Variants in RUNX1 observed in about 807,000 individuals in gnomAD.
RUNX1 encodes runt-related transcription factor 1.
In RUNX1, 19 loss-of-function variants were observed where a neutral mutation model predicts 42.8. That is an observed-to-expected ratio of 0.44 (90% CI 0.31 to 0.65). RUNX1 has a LOEUF of 0.65. Ranked by LOEUF, RUNX1 falls within the 30% of genes least tolerant of loss-of-function variation. The pLI, the probability that RUNX1 is intolerant of heterozygous loss-of-function variation, is 0.07. For synonymous variants in RUNX1, 271 were observed against 289.4 expected (o/e 0.94, Z 0.64); for missense variants, 528 against 672.0 (o/e 0.79, Z 2.37).
intron 2 of RUNX1, among the ~76,000 whole-genome samples, chr21:34,995,342 T>C: frequency 6.6e-6 from 1 of 151,266 alleles, no homozygotes. Flanking sequence ...AGTAATCCAT[T>C]AAAGTCATCA....
intron 2 of RUNX1, among the ~76,000 whole-genome samples, chr21:35,047,836 T>C (rs917223535): frequency 2.0e-5 from 3 of 152,190 alleles, no homozygotes; most frequent in African/African-American, 4.8e-5. Context: ...AAGATACACT[T>C]TGCAGGCACT....
chr21:34,948,591 G>A (rs1339980269), intron 2 of RUNX1, among the ~76,000 whole-genome samples: 4 of 152,092 alleles, frequency 2.6e-5, no homozygotes, highest in Non-Finnish European at 5.9e-5. Flanking sequence ...TATCATTTGT[G>A]GATGTGATGG....
chr21:34,810,201 G>T (rs2056740226), intron 7 of RUNX1, among the ~76,000 whole-genome samples: 2 of 152,236 alleles, frequency 1.3e-5, no homozygotes, highest in Non-Finnish European at 2.9e-5. Context: ...GCACTTTTTT[G>T]ATGTTGTAAA....
intron 5 of RUNX1, among the ~76,000 whole-genome samples, chr21:34,865,156 G>A (rs995485249): frequency 6.6e-6 from 1 of 152,140 alleles, no homozygotes; most frequent in Non-Finnish European, 1.5e-5. Context: ...GTAAATGTCA[G>A]TGGAATGATC....
At chr21:34,931,318 T>TTA (rs942335329) in intron 2 of RUNX1, among the ~76,000 whole-genome samples, 13 of 144,982 alleles carry the variant, frequency 9.0e-5, no homozygotes, top group South Asian at 8.5e-4. Context: ...TCAACATGCA[T>TTA]TATATATATA....
chr21:34,866,953 A>G (rs1181533579), intron 5 of RUNX1, among the ~76,000 whole-genome samples: 1 of 152,216 alleles, frequency 6.6e-6, no homozygotes, highest in Non-Finnish European at 1.5e-5. Context: ...GGAATTATGG[A>G]TTGTTTGAAA....
intron 2 of RUNX1, among the ~76,000 whole-genome samples, chr21:35,043,010 T>A (rs1178207347): frequency 6.6e-6 from 1 of 151,920 alleles, no homozygotes; most frequent in Non-Finnish European, 1.5e-5. Flanking sequence ...GCCAAGAGAG[T>A]ATAACACGTG....
chr21:34,787,857 G>A lies in RUNX1; in HGVS notation c.*4278C>T, dbSNP rs2056387481. 1 of 233,042 alleles carries A rather than the reference G, an allele frequency of 4.3e-6. No homozygotes were observed. Among genetic ancestry groups the A allele is most frequent in the Admixed American group, 5.6e-5 (1 of 17,772 alleles). The allele number at this position is 233,042 out of a possible 1,614,324, so 14.4% of individuals were successfully genotyped here. The stretch of plus-strand genomic sequence containing the variant: ...TGCCATTCACACTGATTGTAACACT[G>A]GATTTACAGAAGAAACTGTGGTACA... On this transcript the variant is annotated 3_prime_UTR_variant, in exon 9 of 9. Coordinates refer to ENST00000675419, the MANE Select transcript of RUNX1 (RefSeq NM_001754.5).
intron 2 of RUNX1, among the ~76,000 whole-genome samples, chr21:35,047,926 C>A (rs187545689): frequency 5.9e-5 from 9 of 152,256 alleles, no homozygotes; most frequent in Non-Finnish European, 8.8e-5. Flanking sequence ...TTAAGCACAG[C>A]CCTCTTTTAC....
intron 2 of RUNX1, among the ~76,000 whole-genome samples, chr21:34,911,933 C>G (rs895228681): frequency 6.6e-6 from 1 of 152,002 alleles, no homozygotes; most frequent in African/African-American, 2.4e-5. Flanking sequence ...AAAGTAACCC[C>G]GCTCCCTACC....
intron 5 of RUNX1, among the ~76,000 whole-genome samples, chr21:34,866,490 C>G (rs2057664120): frequency 6.6e-6 from 1 of 152,150 alleles, no homozygotes; most frequent in African/African-American, 2.4e-5. Flanking sequence ...TTAACGTACC[C>G]TCGGATTCCA....
chr21:35,046,312 C>T (rs950876729), intron 2 of RUNX1, among the ~76,000 whole-genome samples: 1 of 152,230 alleles, frequency 6.6e-6, no homozygotes, highest in Non-Finnish European at 1.5e-5. Flanking sequence ...CTTCACTCCT[C>T]TCTTTCCCCC....
chr21:34,793,994 G>A (rs925288508), intron 8 of RUNX1, among the ~76,000 whole-genome samples: 2 of 151,924 alleles, frequency 1.3e-5, no homozygotes, highest in East Asian at 1.9e-4. Context: ...ATGAACCACC[G>A]TGCCCAGCCC....
chr21:34,942,612 G>C (rs1217977835), intron 2 of RUNX1, among the ~76,000 whole-genome samples: 1 of 152,222 alleles, frequency 6.6e-6, no homozygotes, highest in African/African-American at 2.4e-5. Flanking sequence ...AAGTGAATAT[G>C]AGTGATCCTT....
intron 2 of RUNX1, among the ~76,000 whole-genome samples, chr21:34,937,698 TG>T (rs1038393176): frequency 4.8e-5 from 7 of 145,670 alleles, no homozygotes; most frequent in Non-Finnish European, 1.0e-4. Flanking sequence ...CAGTTTCCCA[TG>T]AAAAAAAAAA....
intron 5 of RUNX1, among the ~76,000 whole-genome samples, chr21:34,873,002 C>G (rs986450367): frequency 1.3e-5 from 2 of 152,150 alleles, no homozygotes; most frequent in African/African-American, 4.8e-5. Flanking sequence ...GACATTTGTC[C>G]TAGGTACTAG....
At chr21:35,044,707 A>G (rs1380167791) in intron 2 of RUNX1, among the ~76,000 whole-genome samples, 1 of 152,288 alleles carries the variant, frequency 6.6e-6, no homozygotes, top group Non-Finnish European at 1.5e-5. Context: ...GCTCCTTATT[A>G]AAGTCTGTGT....
At chr21:34,804,217 A>G (rs1361311511) in intron 7 of RUNX1, among the ~76,000 whole-genome samples, 1 of 152,218 alleles carries the variant, frequency 6.6e-6, no homozygotes, top group Non-Finnish European at 1.5e-5. Context: ...TGTGCGAATA[A>G]GACACTCCTA....
At chr21:34,851,752 T>G (rs1443568250) in intron 6 of RUNX1, among the ~76,000 whole-genome samples, 2 of 152,254 alleles carry the variant, frequency 1.3e-5, no homozygotes, top group Admixed American at 1.3e-4. Flanking sequence ...GTTTCTTCCC[T>G]CTTCTCTGCT....
Sources: allele counts gnomAD v4.1 joint callset (sites outside exome capture counted in the v4.1 genomes callset), GRCh38; gene constraint gnomAD v4.1.1; transcripts MANE v1.5; gene names NCBI Gene and HGNC (gene_info 2026-07-23, HGNC 2026-07-21).